The following ERBB4 variants were observed in gnomAD, a reference collection of about 807,000 sequenced individuals.
ERBB4 encodes the protein receptor tyrosine-protein kinase erbB-4.
Under a neutral mutation model 158.0 loss-of-function variants are expected in ERBB4, and 42 were observed. The ratio of observed to expected loss-of-function variants is 0.27; its 90% CI spans 0.21 to 0.34. ERBB4 has a LOEUF of 0.34. Among genes scored for constraint, ERBB4 ranks in the 10% least tolerant of loss-of-function variants. ERBB4 has a pLI of 1.00. For missense variants in ERBB4, 1,333 were observed against 1,624.1 expected, an observed-to-expected ratio of 0.82 and a Z score of 3.08; for synonymous variants, 583 against 558.7, an observed-to-expected ratio of 1.04 and a Z score of -0.61.
At position 212,431,919 on chromosome 2, in the gene ERBB4, T is replaced by A. The variant is rs145895329; in HGVS notation, c.82+106530A>T. Among the ~76,000 whole-genome samples, 4 of 152,328 alleles carry A rather than the reference T, an allele frequency of 2.6e-5. No individual in the cohort carries two copies. The East Asian group carries it at 5.8e-4, about 22-fold the overall frequency. On this transcript the variant is annotated intron_variant, in intron 1 of 27. Transcript: ENST00000342788. ...TTCATTGTCCTCTTTCCTAATTTAT[T>A]ATTCTCCATAATACTTATAGTCTAG...
chr2:211,630,455 A>C lies in ERBB4; in HGVS notation c.2079+7T>G, dbSNP rs143170027. The C allele has an allele frequency of 6.2e-7, 1 of 1,612,082 alleles. No homozygotes were observed. The highest frequency in any genetic ancestry group is 8.5e-7 in the Non-Finnish European group (1 of 1,178,400). ...AAACACATGAAGAGGAGAAAGAAATACCTCACCTCTGTTTCCAAGAATCTT... is the reference window on the plus strand; with the variant it reads ...AAACACATGAAGAGGAGAAAGAAATCCCTCACCTCTGTTTCCAAGAATCTT... On this transcript the variant is annotated splice_region_variant and intron_variant, in intron 17 of 27. Coordinates refer to ENST00000342788, the MANE Select transcript of ERBB4 (RefSeq NM_005235.3).
chr2:212,440,991 A>C (rs1038298719), intron 1 of ERBB4, among the ~76,000 whole-genome samples: 47 of 152,236 alleles, frequency 3.1e-4, no homozygotes, highest in Admixed American at 2.7e-3. Context: ...TCCTCTAGAG[A>C]AAGAACTGAA....
chr2:212,183,889 A>G lies in ERBB4; in HGVS notation c.83-58986T>C, dbSNP rs1008767547. Among the ~76,000 whole-genome samples the G allele has an allele frequency of 2.0e-5, 3 of 152,130 alleles. No homozygotes were observed. The East Asian group carries it at 5.8e-4, about 29-fold the overall frequency. On this transcript the variant is annotated intron_variant, in intron 1 of 27. Coordinates refer to ENST00000342788, the MANE Select transcript of ERBB4 (RefSeq NM_005235.3). ...CCAAAGATATTTTTACAGATTAACT[A>G]CAAGAGAAAGGTCTATTCTTTTTCA... is the stretch of plus-strand genomic sequence containing the variant.
intron 2 of ERBB4, among the ~76,000 whole-genome samples, chr2:211,954,024 C>A (rs186411627): frequency 6.6e-6 from 1 of 152,064 alleles, no homozygotes; most frequent in Non-Finnish European, 1.5e-5. Context: ...ATCCTTTTAC[C>A]TCTAGATCAT....
chr2:211,588,980 AT>A (rs2068376769), intron 19 of ERBB4, among the ~76,000 whole-genome samples: 1 of 152,148 alleles, frequency 6.6e-6, no homozygotes, highest in African/African-American at 2.4e-5. Context: ...TATGTTTATA[AT>A]TTTATATTAT....
At chr2:212,493,660 C>T (rs949820656) in intron 1 of ERBB4, among the ~76,000 whole-genome samples, 9 of 151,798 alleles carry the variant, frequency 5.9e-5, no homozygotes, top group Admixed American at 4.6e-4. Context: ...TTAGAATTCA[C>T]TAAAATCAAA....
intron 4 of ERBB4, among the ~76,000 whole-genome samples, chr2:211,780,553 GA>G (rs1261730902): frequency 1.4e-5 from 2 of 146,946 alleles, no homozygotes; most frequent in African/African-American, 5.0e-5. Context: ...AGTTGACCTG[GA>G]AAGCCTCTTC....
intron 1 of ERBB4, among the ~76,000 whole-genome samples, chr2:212,402,563 T>C (rs2091238364): frequency 6.6e-6 from 1 of 152,100 alleles, no homozygotes; most frequent in Non-Finnish European, 1.5e-5. Flanking sequence ...TATAATATTA[T>C]ACTATAGTTT....
chr2:212,132,981 C>T (rs1333297053), intron 1 of ERBB4, among the ~76,000 whole-genome samples: 1 of 152,082 alleles, frequency 6.6e-6, no homozygotes, highest in Non-Finnish European at 1.5e-5. Flanking sequence ...CATACTTCCA[C>T]CTAACATGAT....
At chr2:211,910,738 C>T (rs74748877) in intron 3 of ERBB4, among the ~76,000 whole-genome samples, 2 of 151,874 alleles carry the variant, frequency 1.3e-5, no homozygotes, top group African/African-American at 2.4e-5. Context: ...TTTTAAAAAA[C>T]CGTTATATTC....
intron 20 of ERBB4, among the ~76,000 whole-genome samples, chr2:211,441,815 C>T (rs952419754): frequency 4.6e-5 from 7 of 152,114 alleles, no homozygotes; most frequent in African/African-American, 1.4e-4. Context: ...TCAGCTGTAT[C>T]ACTAGCTATT....
intron 20 of ERBB4, among the ~76,000 whole-genome samples, chr2:211,481,729 G>A (rs2065088259): frequency 6.6e-6 from 1 of 151,948 alleles, no homozygotes; most frequent in Non-Finnish European, 1.5e-5. Flanking sequence ...AGGATACTTT[G>A]TTGGATAAAC....
At chr2:212,363,013 C>T (rs2089750049) in intron 1 of ERBB4, among the ~76,000 whole-genome samples, 1 of 151,164 alleles carries the variant, frequency 6.6e-6, no homozygotes, top group Non-Finnish European at 1.5e-5. Flanking sequence ...TGATTGTATA[C>T]AATATACATT....
chr2:212,120,930 G>A (rs1559536296), intron 2 of ERBB4, among the ~76,000 whole-genome samples: 1 of 152,016 alleles, frequency 6.6e-6, no homozygotes, highest in Non-Finnish European at 1.5e-5. Context: ...TTCTTTACAT[G>A]GACTCCACTT....
chr2:211,837,967 CTG>C (rs1421915051), intron 3 of ERBB4, among the ~76,000 whole-genome samples: 2 of 151,934 alleles, frequency 1.3e-5, no homozygotes, highest in Non-Finnish European at 2.9e-5. Context: ...GGGAGGAGCT[CTG>C]TGGCCCGTGC....
In ERBB4 at chr2:211,863,616, A is replaced by G. The variant is rs569907238; in HGVS notation, c.422-75457T>C. ...ACTCACTGTGAGGATCTGCAGCTTC[A>G]CTCCTGAAGTCAGTGAGACCAGGAA... On this transcript the variant is annotated intron_variant, in intron 3 of 27. Coordinates refer to ENST00000342788, the MANE Select transcript of ERBB4 (RefSeq NM_005235.3). Among the ~76,000 whole-genome samples, 4 of 152,218 alleles carry G rather than the reference A, an allele frequency of 2.6e-5. No homozygotes were observed. In the South Asian group the frequency reaches 8.3e-4, roughly 32 times the overall value.
intron 2 of ERBB4, among the ~76,000 whole-genome samples, chr2:212,065,126 G>A (rs547949527): frequency 2.0e-5 from 3 of 151,590 alleles, no homozygotes; most frequent in South Asian, 4.2e-4. Flanking sequence ...ACTAGACAAA[G>A]CACAAGAAAG....
intron 1 of ERBB4, among the ~76,000 whole-genome samples, chr2:212,277,509 G>C (rs1159994593): frequency 6.6e-6 from 1 of 151,634 alleles, no homozygotes; most frequent in Non-Finnish European, 1.5e-5. Flanking sequence ...GCCTAGTGTA[G>C]AGTCTGAAAC....
chr2:212,191,607 CCT>C (rs2082210538), intron 1 of ERBB4, among the ~76,000 whole-genome samples: 2 of 136,180 alleles, frequency 1.5e-5, no homozygotes, highest in African/African-American at 5.8e-5. Flanking sequence ...ATGTGTTATG[CCT>C]GTTATATATA....
Sources: allele counts gnomAD v4.1 joint callset (sites outside exome capture counted in the v4.1 genomes callset), GRCh38; gene constraint gnomAD v4.1.1; transcripts MANE v1.5; gene names NCBI Gene and HGNC (gene_info 2026-07-23, HGNC 2026-07-21).